The following RPTOR variants were observed in gnomAD, a reference collection of about 807,000 sequenced individuals.
RPTOR encodes regulatory associated protein of MTOR complex 1, also known as regulatory-associated protein of mTOR.
In RPTOR, 21 loss-of-function variants were observed where a neutral mutation model predicts 169.9. The observed-to-expected ratio is 0.12, with a 90% CI of 0.09 to 0.18. The LOEUF is 0.18. RPTOR is among the 10% of genes least tolerant of loss of function. The probability of loss-of-function intolerance (pLI) is 1.00; values close to 1 mark genes in which losing one functional copy is unlikely to be tolerated. For missense variants in RPTOR, 1,133 were observed against 1,855.9 expected (o/e 0.61, Z 7.16); for synonymous variants, 732 against 753.2 (o/e 0.97, Z 0.46).
intron 3 of RPTOR, among the ~76,000 whole-genome samples, chr17:80,679,258 C>T (rs1361507974): frequency 6.6e-6 from 1 of 152,186 alleles, no homozygotes; most frequent in Admixed American, 6.5e-5. Flanking sequence ...GCCTGGGTGA[C>T]AGAGTGAGAC....
intron 3 of RPTOR, among the ~76,000 whole-genome samples, chr17:80,652,823 A>G (rs2065651255): frequency 6.6e-6 from 1 of 152,212 alleles, no homozygotes; most frequent in African/African-American, 2.4e-5. Context: ...TATTTTCCAC[A>G]GTGGCTGTAC....
rs754809751 is a variant in RPTOR at position 80,930,087 on chromosome 17, G to A, written c.2919+4607G>A. 9.0e-3 allele frequency among the ~76,000 whole-genome samples: 316 copies of A among 35,102 alleles called. 1 individual carries two copies. The highest frequency in any genetic ancestry group is 0.033 in the African/African-American group (293 of 8,812). The allele number at this position is 35,102 out of a possible 152,430, so 23.0% of individuals were successfully genotyped here. A position where few individuals can be genotyped will look rare whatever the true frequency, so the allele number is the denominator to read the frequency against. ...TCCTCATCCCCAGCTCATCCCCAGC[G>A]CATCCTCAACTCATCCCCAGCTCAT... On this transcript the variant is annotated intron_variant, in intron 24 of 33. Transcript: ENST00000306801.
intron 2 of RPTOR, 21 bp downstream of exon 2, chr17:80,625,814 C>G: frequency 6.4e-7 from 1 of 1,553,834 alleles, no homozygotes; most frequent in African/African-American, 1.4e-5. Flanking sequence ...CTCCCTCACG[C>G]GCTGCCACAA....
chr17:80,853,082 C>A (rs979104292), intron 11 of RPTOR, among the ~76,000 whole-genome samples: 30 of 152,194 alleles, frequency 2.0e-4, no homozygotes, highest in African/African-American at 7.2e-4. Flanking sequence ...CTCGCCTCCC[C>A]GACTTCCAGC....
At chr17:80,779,974 A>G (rs1201289719) in intron 6 of RPTOR, among the ~76,000 whole-genome samples, 12 of 151,530 alleles carry the variant, frequency 7.9e-5, no homozygotes, top group Non-Finnish European at 1.5e-4. Flanking sequence ...CCCAGGCTCC[A>G]CTCCTTGGCC....
rs576922373 is a variant in RPTOR at position 80,946,931 on chromosome 17, C to T, written c.3141-296C>T. Among the ~76,000 whole-genome samples, 8 of 152,338 alleles carry T rather than the reference C, an allele frequency of 5.3e-5. No individual in the cohort carries two copies. The East Asian group carries it at 5.8e-4, about 11-fold the overall frequency. On this transcript the variant is annotated intron_variant, in intron 26 of 33. Coordinates refer to ENST00000306801, the MANE Select transcript of RPTOR (RefSeq NM_020761.3). ...CAGGAAATCCTCTTCCCTTCCCACCCGCACAGCCTGTGGCTCCAATTTCCC... is the reference window on the plus strand; with the variant it reads ...CAGGAAATCCTCTTCCCTTCCCACCTGCACAGCCTGTGGCTCCAATTTCCC...
intron 3 of RPTOR, among the ~76,000 whole-genome samples, chr17:80,701,566 A>T (rs780134160): frequency 3.3e-5 from 5 of 152,186 alleles, no homozygotes; most frequent in Non-Finnish European, 7.4e-5. Flanking sequence ...GGAGAGGGGT[A>T]GGGTGAAACT....
At chr17:80,898,123 G>A (rs1036174236) in intron 20 of RPTOR, among the ~76,000 whole-genome samples, 1 of 152,148 alleles carries the variant, frequency 6.6e-6, no homozygotes, top group African/African-American at 2.4e-5. Context: ...TTTCTTTAAT[G>A]CTGATAGGAT....
intron 21 of RPTOR, among the ~76,000 whole-genome samples, chr17:80,910,965 G>C (rs568937732): frequency 6.6e-6 from 1 of 152,098 alleles, no homozygotes; most frequent in Admixed American, 6.5e-5. Flanking sequence ...CAAGTAGCTG[G>C]GACTACAGGC....
chr17:80,680,619 ACT>A (rs1007299657), intron 3 of RPTOR, among the ~76,000 whole-genome samples: 2 of 152,034 alleles, frequency 1.3e-5, no homozygotes, highest in Non-Finnish European at 2.9e-5. Flanking sequence ...ACAGAGTGAG[ACT>A]CTGTCTCAAA....
chr17:80,635,683 G>A (rs1004702592), intron 2 of RPTOR, among the ~76,000 whole-genome samples: 2 of 152,270 alleles, frequency 1.3e-5, no homozygotes, highest in East Asian at 1.9e-4. Context: ...GGGCCCTGAG[G>A]GTGCAGAGAG....
chr17:80,929,130 T>A (rs2068845486), intron 24 of RPTOR, among the ~76,000 whole-genome samples: 1 of 152,226 alleles, frequency 6.6e-6, no homozygotes, highest in African/African-American at 2.4e-5. Flanking sequence ...GAGAGTTAAT[T>A]TAAAATGATG....
chr17:80,862,703 G>A (rs2067933031), intron 13 of RPTOR, among the ~76,000 whole-genome samples: 1 of 151,566 alleles, frequency 6.6e-6, no homozygotes, highest in Admixed American at 6.6e-5. Context: ...TCGTGTTGCT[G>A]GTGGTCCTCC....
intron 28 of RPTOR, among the ~76,000 whole-genome samples, chr17:80,956,602 G>C (rs2069252646): frequency 6.6e-6 from 1 of 152,258 alleles, no homozygotes; most frequent in African/African-American, 2.4e-5. Flanking sequence ...AGCCTTAACA[G>C]CCTTCCTAAA....
intron 2 of RPTOR, among the ~76,000 whole-genome samples, chr17:80,626,644 T>C (rs2065396664): frequency 6.6e-6 from 1 of 151,406 alleles, no homozygotes; most frequent in Non-Finnish European, 1.5e-5. Flanking sequence ...ACATGAGACA[T>C]AGAGATTAGT....
At chr17:80,601,429 T>C (rs953299082) in intron 1 of RPTOR, among the ~76,000 whole-genome samples, 1 of 126,980 alleles carries the variant, frequency 7.9e-6, no homozygotes, top group Non-Finnish European at 1.7e-5. Context: ...GCAGGTTCCG[T>C]GCCAGGGATG....
At chr17:80,961,658 A>G in intron 31 of RPTOR, 178 bp downstream of exon 31, 1 of 701,140 alleles carries the variant, frequency 1.4e-6, no homozygotes, top group East Asian at 2.9e-5. Context: ...CCCAGGGGCC[A>G]CAGCTGCTCC....
In RPTOR at chr17:80,717,849, T is replaced by G. The variant is rs566110790; in HGVS notation, c.507+9850T>G. Among the ~76,000 whole-genome samples, 10 of 152,340 alleles carry G rather than the reference T, an allele frequency of 6.6e-5. No homozygotes were observed. The South Asian group carries it at 2.1e-3, about 32-fold the overall frequency. ...ATTTTCCCCATGCACCGCCCTCCCT[T>G]GCATTCCCCTGTCTGTGTTTCAGGC... On this transcript the variant is annotated intron_variant, in intron 4 of 33. Transcript: ENST00000306801.
In RPTOR at chr17:80,707,709, T is replaced by C. The variant is rs1030400614; in HGVS notation, c.349-132T>C. On this transcript the variant is annotated intron_variant, in intron 3 of 33. Coordinates refer to ENST00000306801, the MANE Select transcript of RPTOR (RefSeq NM_020761.3). This position sits in a 1 kb window ranked among gnomAD's most constrained non-coding sequence, Gnocchi z 5.0. Reference sequence around the variant, plus strand: ...GCCTGGCATTACCTGGTTTTATAGATGGAGAAACTCAGAGCCATGTGTCCA... The same window carrying C: ...GCCTGGCATTACCTGGTTTTATAGACGGAGAAACTCAGAGCCATGTGTCCA... 1 of 823,190 alleles carries C rather than the reference T, an allele frequency of 1.2e-6. No individual in the cohort carries two copies. Among genetic ancestry groups the C allele is most frequent in the African/African-American group, 1.7e-5 (1 of 58,092 alleles). 51.0% of individuals were successfully genotyped at this position (823,190 alleles called of 1,614,324 possible).
Sources: gnomAD v4.1 joint callset for allele counts (sites outside exome capture counted in the v4.1 genomes callset) on GRCh38, gnomAD v4.1.1 for gene constraint, Gnocchi (gnomAD v3.1) non-coding constraint, MANE v1.5 for transcripts, NCBI Gene and HGNC (gene_info 2026-07-23, HGNC 2026-07-21) for gene names.